The following AGBL1 variants were observed in gnomAD, a reference collection of about 807,000 sequenced individuals.
AGBL1 encodes the protein cytosolic carboxypeptidase 4.
In AGBL1, 130 loss-of-function variants were observed where a neutral mutation model predicts 118.9. The ratio of observed to expected loss-of-function variants is 1.09; its 90% CI spans 0.95 to 1.26. The LOEUF is 1.26. AGBL1 is among the 50% of genes most tolerant of loss of function. AGBL1 has a pLI of 0.00. For missense variants in AGBL1, 1,584 were observed against 1,298.1 expected, an observed-to-expected ratio of 1.22 and a Z score of -3.38; for synonymous variants, 555 against 478.9, an observed-to-expected ratio of 1.16 and a Z score of -2.08.
intron 21 of AGBL1, among the ~76,000 whole-genome samples, chr15:86,591,987 G>T (rs2084343409): frequency 6.6e-6 from 1 of 152,106 alleles, no homozygotes; most frequent in African/African-American, 2.4e-5. Context: ...ACCAGGAAAT[G>T]AGGTCAAGGA....
At chr15:86,219,792 C>T (rs377200730) in intron 5 of AGBL1, among the ~76,000 whole-genome samples, 7 of 152,056 alleles carry the variant, frequency 4.6e-5, no homozygotes, top group African/African-American at 1.7e-4. Flanking sequence ...GTCATCTAAC[C>T]TTTTGATCTC....
At chr15:86,555,688 A>G (rs1479834871) in intron 21 of AGBL1, among the ~76,000 whole-genome samples, 4 of 152,186 alleles carry the variant, frequency 2.6e-5, no homozygotes, top group South Asian at 2.1e-4. Flanking sequence ...TTGGGCATCA[A>G]GAGATCTCAC....
At chr15:86,736,177 T>C (rs894127517) in intron 22 of AGBL1, among the ~76,000 whole-genome samples, 2 of 152,118 alleles carry the variant, frequency 1.3e-5, no homozygotes, top group African/African-American at 4.8e-5. Flanking sequence ...GGTCAGGACA[T>C]CAAGACCATC....
intron 3 of AGBL1, among the ~76,000 whole-genome samples, chr15:86,149,250 A>C (rs1048434299): frequency 6.6e-6 from 1 of 152,228 alleles, no homozygotes; most frequent in Non-Finnish European, 1.5e-5. Context: ...TGACATGATA[A>C]CGACAGGATC....
At chr15:86,463,715 G>A (rs1055270959) in intron 18 of AGBL1, among the ~76,000 whole-genome samples, 7 of 152,238 alleles carry the variant, frequency 4.6e-5, no homozygotes, top group Admixed American at 3.9e-4. Flanking sequence ...CCCATTGCTT[G>A]TTTTTGTCGG....
intron 22 of AGBL1, among the ~76,000 whole-genome samples, chr15:86,848,286 TAG>T (rs1281982265): frequency 3.9e-5 from 6 of 152,242 alleles, no homozygotes; most frequent in African/African-American, 1.4e-4. Context: ...TTTTATTTTT[TAG>T]TTTTTACTTT....
At chr15:86,262,543 G>A in intron 9 of AGBL1, 1 of 547,758 alleles carries the variant, frequency 1.8e-6, no homozygotes, top group South Asian at 1.8e-5. Flanking sequence ...TTTTATTTCT[G>A]ATGAAGGCTG....
intron 23 of AGBL1, among the ~76,000 whole-genome samples, chr15:86,931,601 GCT>G (rs1215525831): frequency 1.8e-5 from 2 of 113,942 alleles, no homozygotes; most frequent in African/African-American, 5.4e-5. Flanking sequence ...TGCTGCTGCT[GCT>G]GCTGCTGCTG....
At chr15:86,367,120 C>T (rs1596022889) in intron 17 of AGBL1, among the ~76,000 whole-genome samples, 1 of 152,064 alleles carries the variant, frequency 6.6e-6, no homozygotes, top group Admixed American at 6.5e-5. Context: ...AACCAAGTGA[C>T]AAAACCCAAT....
chr15:86,574,250 A>G (rs2084050891), intron 21 of AGBL1, among the ~76,000 whole-genome samples: 2 of 152,208 alleles, frequency 1.3e-5, no homozygotes, highest in Admixed American at 6.5e-5. Flanking sequence ...TGTTAGTCCA[A>G]GTGTGTACCC....
At position 86,773,894 on chromosome 15, in the gene AGBL1, C is replaced by A. The variant is rs572450230; in HGVS notation, c.3158+99458C>A. Among the ~76,000 whole-genome samples, 522 of 152,184 alleles carry A rather than the reference C, an allele frequency of 3.4e-3. 4 individuals are homozygous for A. Among genetic ancestry groups the A allele is most frequent in the African/African-American group, 0.011 (474 of 41,544 alleles). On this transcript the variant is annotated intron_variant, in intron 22 of 22. Transcript: ENST00000614907. Reference sequence around the variant, plus strand: ...ACCAGCTCCACAGGAAAGCCTCTGACAGATGGGAACCTATTTAACAAGCCA... The same window carrying A: ...ACCAGCTCCACAGGAAAGCCTCTGAAAGATGGGAACCTATTTAACAAGCCA...
chr15:86,346,937 G>T (rs1333824317), intron 17 of AGBL1, among the ~76,000 whole-genome samples: 1 of 152,080 alleles, frequency 6.6e-6, no homozygotes, highest in Non-Finnish European at 1.5e-5. Flanking sequence ...AACTTGGAAG[G>T]CTATGAAAAA....
intron 22 of AGBL1, among the ~76,000 whole-genome samples, chr15:86,694,469 C>T (rs1189695695): frequency 2.6e-5 from 4 of 151,878 alleles, no homozygotes; most frequent in Non-Finnish European, 5.9e-5. Context: ...TTGCTGAACT[C>T]GTATATTAGT....
intron 23 of AGBL1, among the ~76,000 whole-genome samples, chr15:86,984,387 CAG>C: frequency 7.0e-6 from 1 of 142,210 alleles, no homozygotes; most frequent in Admixed American, 7.2e-5. Flanking sequence ...TTCCTGGAGA[CAG>C]AGTTTCACTC....
chr15:86,410,828 ATATATATATAT>A (rs1567242780), intron 18 of AGBL1, among the ~76,000 whole-genome samples: 1 of 94,358 alleles, frequency 1.1e-5, no homozygotes. Context: ...ATATATATAT[ATATATATATAT>A]ATAATATACT....
At chr15:86,663,890 A>G (rs566382197) in intron 21 of AGBL1, among the ~76,000 whole-genome samples, 8 of 152,146 alleles carry the variant, frequency 5.3e-5, no homozygotes, top group Non-Finnish European at 1.2e-4. Context: ...ACTCTAGGCT[A>G]CCTAATGATA....
At chr15:86,412,977 G>A (rs1256811120) in intron 18 of AGBL1, among the ~76,000 whole-genome samples, 2 of 152,050 alleles carry the variant, frequency 1.3e-5, no homozygotes, top group African/African-American at 4.8e-5. Flanking sequence ...CAAAATAAGT[G>A]TCCCAGGCCA....
intron 22 of AGBL1, among the ~76,000 whole-genome samples, chr15:86,858,770 G>T (rs1012914045): frequency 2.0e-5 from 3 of 152,158 alleles, no homozygotes; most frequent in Non-Finnish European, 4.4e-5. Context: ...CTTGGGTGGG[G>T]TAGGGGGATG....
chr15:86,344,512 A>G (rs888015341), intron 17 of AGBL1, among the ~76,000 whole-genome samples: 1 of 151,962 alleles, frequency 6.6e-6, no homozygotes, highest in African/African-American at 2.4e-5. Context: ...TTGAGTTCAC[A>G]ACACCACAGC....
Sources: allele counts gnomAD v4.1 joint callset (sites outside exome capture counted in the v4.1 genomes callset), GRCh38; gene constraint gnomAD v4.1.1; transcripts MANE v1.5; gene names NCBI Gene and HGNC (gene_info 2026-07-23, HGNC 2026-07-21).